CLVS1: variants seen among roughly 807,000 people sequenced by gnomAD.
CLVS1 encodes the protein clavesin 1.
A neutral mutation model predicts 33.1 loss-of-function variants in CLVS1; 10 were observed. That is an observed-to-expected ratio of 0.30 (90% CI 0.19 to 0.51). The LOEUF (loss-of-function observed/expected upper bound fraction) is 0.51. Among genes scored for constraint, CLVS1 ranks in the 20% least tolerant of loss-of-function variants. The pLI, the probability that CLVS1 is intolerant of heterozygous loss-of-function variation, is 0.97. For synonymous variants in CLVS1, 163 were observed against 166.1 expected (o/e 0.98, Z 0.14); for missense variants, 343 against 433.4 (o/e 0.79, Z 1.85).
At chr8:61,381,509 G>T (rs1189397463) in intron 3 of CLVS1, among the ~76,000 whole-genome samples, 1 of 152,146 alleles carries the variant, frequency 6.6e-6, no homozygotes, top group African/African-American at 2.4e-5. Context: ...CGTTGCTGAG[G>T]TTTGGTGTAC....
the CLVS1 span, among the ~76,000 whole-genome samples, chr8:61,017,359 G>A: frequency 3.9e-4 from 59 of 152,324 alleles, no homozygotes; most frequent in South Asian, 0.011. Context: ...GGGTGCCTTC[G>A]CACAGTGCTG....
chr8:61,062,951 T>G (rs990245570), intron 1 of CLVS1, among the ~76,000 whole-genome samples: 1 of 152,198 alleles, frequency 6.6e-6, no homozygotes, highest in African/African-American at 2.4e-5. Flanking sequence ...TTTTATTGTT[T>G]ATTGTGTATC....
intron 1 of CLVS1, among the ~76,000 whole-genome samples, chr8:61,101,796 T>A (rs1336279349): frequency 7.2e-6 from 1 of 139,200 alleles, no homozygotes; most frequent in Non-Finnish European, 1.5e-5. Context: ...ATGGTGTGAG[T>A]AGGAGTCCAA....
chr8:61,183,900 C>G (rs932790123), intron 2 of CLVS1, among the ~76,000 whole-genome samples: 1 of 152,154 alleles, frequency 6.6e-6, no homozygotes, highest in African/African-American at 2.4e-5. Flanking sequence ...TAATAAAAGA[C>G]ATGCTAATGG....
rs1804534149 is a variant in CLVS1 at position 61,500,095 on chromosome 8, A to C, written c.*553A>C. On this transcript the variant is annotated 3_prime_UTR_variant, in exon 6 of 6. Coordinates refer to ENST00000325897, the MANE Select transcript of CLVS1 (RefSeq NM_173519.3). ...TTGTTCAGCCTAAGAGCATGTTCTCATAGGTCTGGGTATTTGCAAAGTTTG... is the reference window on the plus strand; with the variant it reads ...TTGTTCAGCCTAAGAGCATGTTCTCCTAGGTCTGGGTATTTGCAAAGTTTG... The C allele has an allele frequency of 6.6e-6, 1 of 152,638 alleles. No homozygotes were observed. Among genetic ancestry groups the C allele is most frequent in the African/African-American group, 2.4e-5 (1 of 41,444 alleles). 9.5% of individuals were successfully genotyped at this position (152,638 alleles called of 1,614,324 possible).
intron 3 of CLVS1, among the ~76,000 whole-genome samples, chr8:61,415,595 G>T (rs146049428): frequency 5.3e-5 from 8 of 152,294 alleles, no homozygotes; most frequent in African/African-American, 1.9e-4. Context: ...CTGGGCAACT[G>T]CTCATGGGAT....
the CLVS1 span, among the ~76,000 whole-genome samples, chr8:60,975,236 T>G: frequency 6.6e-6 from 1 of 152,194 alleles, no homozygotes; most frequent in African/African-American, 2.4e-5. Context: ...CCTGCATTAT[T>G]TTTTTGAGCC....
At chr8:61,481,298 G>A (rs200023075) in intron 5 of CLVS1, among the ~76,000 whole-genome samples, 9 of 152,302 alleles carry the variant, frequency 5.9e-5, no homozygotes, top group Non-Finnish European at 1.3e-4. Context: ...CAGTGTGAGC[G>A]ACGCAGAAGA....
chr8:61,500,652 C>T lies in CLVS1; in HGVS notation c.*1110C>T, dbSNP rs1056678065. On this transcript the variant is annotated 3_prime_UTR_variant, in exon 6 of 6. Coordinates refer to ENST00000325897, the MANE Select transcript of CLVS1 (RefSeq NM_173519.3). Reference sequence around the variant, plus strand: ...AATCAGACATAAAATAAACAGACATCATATATGATATCCTTACTTGTGCCA... The same window carrying T: ...AATCAGACATAAAATAAACAGACATTATATATGATATCCTTACTTGTGCCA... The T allele has an allele frequency of 3.9e-5, 6 of 152,076 alleles. No homozygotes were observed. The highest frequency in any genetic ancestry group is 1.4e-4 in the African/African-American group (6 of 41,410). 9.4% of individuals were successfully genotyped at this position (152,076 alleles called of 1,614,324 possible). A position where few individuals can be genotyped will look rare whatever the true frequency, so the allele number is the denominator to read the frequency against.
the CLVS1 span, chr8:60,965,105 G>A: frequency 1.3e-5 from 2 of 152,236 alleles, no homozygotes; most frequent in African/African-American, 4.8e-5. Flanking sequence ...GCCCCACAGG[G>A]AGGGAAGTGT....
At chr8:61,186,804 C>A (rs943348304) in intron 2 of CLVS1, among the ~76,000 whole-genome samples, 21 of 152,188 alleles carry the variant, frequency 1.4e-4, no homozygotes, top group African/African-American at 4.3e-4. Flanking sequence ...AAACATGTTT[C>A]ATCTAGCTCT....
chr8:61,151,508 T>C (rs1806534715), intron 2 of CLVS1, among the ~76,000 whole-genome samples: 1 of 152,194 alleles, frequency 6.6e-6, no homozygotes, highest in African/African-American at 2.4e-5. Context: ...CTTATTTCTG[T>C]TTCTAGTACC....
At chr8:61,494,942 C>T (rs1270425372) in intron 5 of CLVS1, among the ~76,000 whole-genome samples, 2 of 152,040 alleles carry the variant, frequency 1.3e-5, no homozygotes, top group African/African-American at 2.4e-5. Flanking sequence ...AAATGTAAAC[C>T]AGGAAAATAA....
chr8:61,192,337 A>T (rs948057879), intron 2 of CLVS1, among the ~76,000 whole-genome samples: 2 of 152,208 alleles, frequency 1.3e-5, no homozygotes, highest in African/African-American at 4.8e-5. Context: ...AGAAAGCTGA[A>T]ACTGGATCCC....
At chr8:61,113,459 T>C (rs1199451368) in intron 1 of CLVS1, among the ~76,000 whole-genome samples, 1 of 152,114 alleles carries the variant, frequency 6.6e-6, no homozygotes, top group East Asian at 1.9e-4. Context: ...TGTGTGGTGG[T>C]GAGCAGAGCC....
In CLVS1 at chr8:61,500,574, T is replaced by G. The variant is rs1414713252; in HGVS notation, c.*1032T>G. ...TGCAGGATGAAATGTCAAAGGTCAT[T>G]TTATTTACCTAGTCTCCTTAGAAAT... On this transcript the variant is annotated 3_prime_UTR_variant, in exon 6 of 6. Transcript: ENST00000325897. 1.3e-5 allele frequency: 2 copies of G among 152,156 alleles called. No homozygotes were observed. The highest frequency in any genetic ancestry group is 6.5e-5 in the Admixed American group (1 of 15,278). 9.4% of individuals were successfully genotyped at this position (152,156 alleles called of 1,614,324 possible). A position where few individuals can be genotyped will look rare whatever the true frequency, so the allele number is the denominator to read the frequency against.
intron 2 of CLVS1, among the ~76,000 whole-genome samples, chr8:61,211,826 C>T (rs1169062357): frequency 6.6e-6 from 1 of 152,072 alleles, no homozygotes; most frequent in Non-Finnish European, 1.5e-5. Flanking sequence ...AGGAGGGAAG[C>T]AGAAAGGTCA....
intron 2 of CLVS1, among the ~76,000 whole-genome samples, chr8:61,209,246 G>T (rs1376604321): frequency 6.6e-6 from 1 of 152,234 alleles, no homozygotes; most frequent in African/African-American, 2.4e-5. Context: ...CAATCTTTGG[G>T]CACCCAGCTG....
At chr8:61,378,210 C>T (rs1813724154) in intron 3 of CLVS1, 1 of 152,192 alleles carries the variant, frequency 6.6e-6, no homozygotes, top group African/African-American at 2.4e-5. Flanking sequence ...TAATTTATTA[C>T]ATGTGCAAGT....
Sources: gnomAD v4.1 joint callset for allele counts (sites outside exome capture counted in the v4.1 genomes callset) on GRCh38, gnomAD v4.1.1 for gene constraint, MANE v1.5 for transcripts, NCBI Gene and HGNC (gene_info 2026-07-23, HGNC 2026-07-21) for gene names.